The following PPA2 variants were observed in gnomAD, a reference collection of about 807,000 sequenced individuals.
The protein encoded by PPA2 is inorganic pyrophosphatase 2.
PPA2 carries 48 observed loss-of-function variants against 49.5 expected under a neutral mutation model. That is an observed-to-expected ratio of 0.97 (90% CI 0.77 to 1.23). The LOEUF (loss-of-function observed/expected upper bound fraction) is 1.23, where lower values mean the gene tolerates loss of function less well. PPA2 is among the 50% of genes most tolerant of loss of function. The pLI is 0.00. For synonymous variants in PPA2, 131 were observed against 139.9 expected, an observed-to-expected ratio of 0.94 and a Z score of 0.45; for missense variants, 429 against 410.1, an observed-to-expected ratio of 1.05 and a Z score of -0.40.
intron 5 of PPA2, chr4:105,446,146 T>G: frequency 2.8e-6 from 1 of 354,050 alleles, no homozygotes; most frequent in East Asian, 4.5e-5. Flanking sequence ...GTATTCAAAA[T>G]GTCAAATGTG....
At chr4:105,383,531 C>G (rs186645791) in intron 10 of PPA2, among the ~76,000 whole-genome samples, 3 of 152,150 alleles carry the variant, frequency 2.0e-5, no homozygotes, top group African/African-American at 7.2e-5. Flanking sequence ...TTCTATCAAC[C>G]ACTCAAAAGT....
chr4:105,394,395 GAA>G (rs66802514), intron 9 of PPA2, among the ~76,000 whole-genome samples: 1 of 137,648 alleles, frequency 7.3e-6, no homozygotes, highest in African/African-American at 2.7e-5. Flanking sequence ...AAAAAAGAAA[GAA>G]AAAAAAAGAG....
chr4:105,464,371 C>T (rs954793579), intron 1 of PPA2, among the ~76,000 whole-genome samples: 4 of 152,210 alleles, frequency 2.6e-5, no homozygotes, highest in African/African-American at 9.7e-5. Context: ...TAAGAAGTAA[C>T]TAACTTGCTT....
intron 6 of PPA2, among the ~76,000 whole-genome samples, chr4:105,435,321 C>A (rs545631111): frequency 6.6e-6 from 1 of 152,096 alleles, no homozygotes; most frequent in Admixed American, 6.5e-5. Flanking sequence ...ACTTCTCTGG[C>A]TATAAGATGC....
At chr4:105,403,636 A>T (rs2110401321) in intron 7 of PPA2, among the ~76,000 whole-genome samples, 1 of 152,328 alleles carries the variant, frequency 6.6e-6, no homozygotes, top group Non-Finnish European at 1.5e-5. Flanking sequence ...GGTTTTTCCA[A>T]GTCCAGAGCT....
intron 1 of PPA2, among the ~76,000 whole-genome samples, chr4:105,471,759 G>A (rs1260396888): frequency 6.6e-6 from 1 of 152,148 alleles, no homozygotes; most frequent in Non-Finnish European, 1.5e-5. Flanking sequence ...GTCCTGGCCA[G>A]TGATGCCATC....
intron 7 of PPA2, among the ~76,000 whole-genome samples, chr4:105,407,432 GT>G (rs1722533626): frequency 6.6e-6 from 1 of 152,176 alleles, no homozygotes; most frequent in African/African-American, 2.4e-5. Flanking sequence ...CAATTTGACA[GT>G]TTCTTACAAT....
intron 5 of PPA2, among the ~76,000 whole-genome samples, chr4:105,443,572 T>A (rs1301925031): frequency 6.6e-6 from 1 of 150,622 alleles, no homozygotes; most frequent in Non-Finnish European, 1.5e-5. Context: ...AACTAACTTA[T>A]ATGCAATTTA....
chr4:105,468,806 C>T (rs1470684141), intron 1 of PPA2, among the ~76,000 whole-genome samples: 1 of 152,162 alleles, frequency 6.6e-6, no homozygotes, highest in East Asian at 1.9e-4. Flanking sequence ...ATGCATTAGA[C>T]CTGCATGGGA....
At chr4:105,438,764 T>C (rs1420581563) in intron 5 of PPA2, among the ~76,000 whole-genome samples, 1 of 152,192 alleles carries the variant, frequency 6.6e-6, no homozygotes, top group African/African-American at 2.4e-5. Context: ...TGATTCTAAA[T>C]GGAACTGTAG....
chr4:105,471,498 G>A (rs987881188), intron 1 of PPA2, among the ~76,000 whole-genome samples: 1 of 152,118 alleles, frequency 6.6e-6, no homozygotes, highest in Non-Finnish European at 1.5e-5. Context: ...GAATATATTT[G>A]GAGATGTGGA....
intron 9 of PPA2, among the ~76,000 whole-genome samples, chr4:105,388,582 T>C (rs1733773353): frequency 6.6e-6 from 1 of 152,110 alleles, no homozygotes; most frequent in South Asian, 2.1e-4. Flanking sequence ...CCCAGCACTT[T>C]GGGAGGCCAA....
chr4:105,395,245 C>T (rs1734089121), intron 9 of PPA2, among the ~76,000 whole-genome samples: 1 of 151,980 alleles, frequency 6.6e-6, no homozygotes, highest in African/African-American at 2.4e-5. Context: ...TAAAATATTC[C>T]TTGATATTAA....
At chr4:105,461,273 T>C (rs1441304490) in intron 1 of PPA2, among the ~76,000 whole-genome samples, 4 of 152,236 alleles carry the variant, frequency 2.6e-5, no homozygotes, top group African/African-American at 9.6e-5. Context: ...ACGGGACCCA[T>C]GTTCAAAAAA....
At chr4:105,400,017 C>A (rs1036355077) in intron 7 of PPA2, among the ~76,000 whole-genome samples, 1 of 152,240 alleles carries the variant, frequency 6.6e-6, no homozygotes, top group Admixed American at 6.5e-5. Flanking sequence ...ACTTAGTAGC[C>A]TTCTCAGTTA....
intron 3 of PPA2, among the ~76,000 whole-genome samples, chr4:105,451,068 C>T (rs1474030696): frequency 2.0e-5 from 3 of 152,144 alleles, no homozygotes; most frequent in African/African-American, 7.2e-5. Context: ...TACCACCTCA[C>T]CAGCTTCAAC....
intron 7 of PPA2, among the ~76,000 whole-genome samples, chr4:105,410,314 G>C (rs1722692040): frequency 6.6e-6 from 1 of 152,210 alleles, no homozygotes; most frequent in Admixed American, 6.5e-5. Flanking sequence ...AAGGATATCA[G>C]TGACTGAAGA....
intron 1 of PPA2, among the ~76,000 whole-genome samples, chr4:105,462,591 G>C (rs1264046536): frequency 6.6e-6 from 1 of 152,182 alleles, no homozygotes. Context: ...CTGAGAGATA[G>C]TTTAGTTCAA....
chr4:105,420,311 T>C (rs1049167608), intron 7 of PPA2, among the ~76,000 whole-genome samples: 1 of 152,184 alleles, frequency 6.6e-6, no homozygotes, highest in Admixed American at 6.5e-5. Context: ...TCACACTACG[T>C]TGCTCAGGCT....
Sources: allele counts gnomAD v4.1 joint callset (sites outside exome capture counted in the v4.1 genomes callset), GRCh38; gene constraint gnomAD v4.1.1; transcripts MANE v1.5; gene names NCBI Gene and HGNC (gene_info 2026-07-23, HGNC 2026-07-21).